Variants in FOXO3 observed in about 807,000 individuals in gnomAD.
The protein encoded by FOXO3 is forkhead box O3.
A neutral mutation model predicts 41.9 loss-of-function variants in FOXO3; 4 were observed. The ratio of observed to expected loss-of-function variants is 0.10; its 90% CI spans 0.05 to 0.22. The LOEUF is 0.22. Among genes scored for constraint, FOXO3 ranks in the 10% least tolerant of loss-of-function variants. The pLI, the probability that FOXO3 is intolerant of heterozygous loss-of-function variation, is 1.00. For missense variants in FOXO3, 534 were observed against 906.8 expected, an observed-to-expected ratio of 0.59 and a Z score of 5.28; for synonymous variants, 318 against 389.3, an observed-to-expected ratio of 0.82 and a Z score of 2.16.
At chr6:108,573,130 C>A (rs1045140359) in intron 1 of FOXO3, among the ~76,000 whole-genome samples, 2 of 151,864 alleles carry the variant, frequency 1.3e-5, no homozygotes, top group African/African-American at 4.8e-5. Context: ...ACTAAAAATA[C>A]AAAAAAATTA....
chr6:108,583,202 A>T (rs1008165161), intron 1 of FOXO3, among the ~76,000 whole-genome samples: 1 of 152,158 alleles, frequency 6.6e-6, no homozygotes, highest in African/African-American at 2.4e-5. Flanking sequence ...CAGACTCACT[A>T]CTTTATTTTC....
At chr6:108,650,004 A>G (rs1234896608) in intron 1 of FOXO3, among the ~76,000 whole-genome samples, 1 of 152,162 alleles carries the variant, frequency 6.6e-6, no homozygotes, top group African/African-American at 2.4e-5. Context: ...ACCTGATCGT[A>G]TTATGAGCCC....
intron 1 of FOXO3, among the ~76,000 whole-genome samples, chr6:108,568,474 C>T (rs1275138887): frequency 6.6e-6 from 1 of 152,166 alleles, no homozygotes; most frequent in Non-Finnish European, 1.5e-5. Context: ...CCTTACCCTG[C>T]CCACCCCATG....
chr6:108,574,992 G>C (rs1776222491), intron 1 of FOXO3, among the ~76,000 whole-genome samples: 1 of 152,204 alleles, frequency 6.6e-6, no homozygotes, highest in Non-Finnish European at 1.5e-5. Flanking sequence ...GGGGAGGACT[G>C]TGTGGCTGGA....
In FOXO3 at chr6:108,683,212, T is replaced by C. The variant is rs1770933186; in HGVS notation, c.*3420T>C. The stretch of plus-strand genomic sequence containing the variant: ...TTGTGTTTGTTTTTGGTGTTAATTT[T>C]TAGCATTGTGTGTGTTGCTTCCCCA... On this transcript the variant is annotated 3_prime_UTR_variant, in exon 3 of 3. Coordinates refer to ENST00000406360, the MANE Select transcript of FOXO3 (RefSeq NM_001455.4). The C allele has an allele frequency of 6.6e-6, 1 of 152,524 alleles. No individual in the cohort carries two copies. The highest frequency in any genetic ancestry group is 1.5e-5 in the Non-Finnish European group (1 of 68,040). 9.4% of individuals were successfully genotyped at this position (152,524 alleles called of 1,614,324 possible). A position where few individuals can be genotyped will look rare whatever the true frequency, so the allele number is the denominator to read the frequency against.
intron 1 of FOXO3, among the ~76,000 whole-genome samples, chr6:108,572,353 C>T (rs1776125390): frequency 6.6e-6 from 1 of 152,240 alleles, no homozygotes; most frequent in Non-Finnish European, 1.5e-5. Context: ...TAAGGCTAAT[C>T]CAAATCTCTC....
intron 1 of FOXO3, among the ~76,000 whole-genome samples, chr6:108,575,125 G>A (rs1301942063): frequency 1.3e-5 from 2 of 152,076 alleles, no homozygotes; most frequent in African/African-American, 4.8e-5. Flanking sequence ...CTTGAAAACT[G>A]GTTCTCTCTT....
intron 1 of FOXO3, among the ~76,000 whole-genome samples, chr6:108,634,074 T>C (rs1309015006): frequency 2.0e-5 from 3 of 152,208 alleles, no homozygotes; most frequent in Non-Finnish European, 4.4e-5. Flanking sequence ...GGGTCCAATA[T>C]GTGGTTTCAT....
intron 1 of FOXO3, among the ~76,000 whole-genome samples, chr6:108,640,262 C>G (rs1778221634): frequency 6.6e-6 from 1 of 152,126 alleles, no homozygotes; most frequent in Admixed American, 6.6e-5. Flanking sequence ...CACAGTAAGC[C>G]TTAGGGACAG....
chr6:108,653,566 G>A (rs1778605733), intron 1 of FOXO3, among the ~76,000 whole-genome samples: 1 of 152,114 alleles, frequency 6.6e-6, no homozygotes, highest in Non-Finnish European at 1.5e-5. Context: ...GTGAAGTTGG[G>A]GCTGCCTGTT....
intron 1 of FOXO3, among the ~76,000 whole-genome samples, chr6:108,575,800 T>C (rs532853450): frequency 1.3e-5 from 2 of 152,204 alleles, no homozygotes; most frequent in Non-Finnish European, 2.9e-5. Context: ...TGAATATACC[T>C]GTCATGCAGA....
At chr6:108,678,915 A>G (rs1268179360) in intron 2 of FOXO3, among the ~76,000 whole-genome samples, 6 of 120,032 alleles carry the variant, frequency 5.0e-5, no homozygotes, top group African/African-American at 1.8e-4. Context: ...GCTGTCGCTC[A>G]GGCTGGAGTG....
Position 108,683,130 on chromosome 6 carries a change from G to A in FOXO3, c.*3338G>A, listed in dbSNP as rs187896300. ...TGAAACACATTTTAAAAATTCAGAA[G>A]CTTGTCACTCCTGTTAATGGGAGGA... On this transcript the variant is annotated 3_prime_UTR_variant, in exon 3 of 3. Transcript: ENST00000406360. 6.5e-6 allele frequency: 1 copy of A among 152,738 alleles called. No homozygotes were observed. Among genetic ancestry groups the A allele is most frequent in the African/African-American group, 2.4e-5 (1 of 41,566 alleles). The allele number at this position is 152,738 out of a possible 1,614,324, so 9.5% of individuals were successfully genotyped here.
intron 1 of FOXO3, among the ~76,000 whole-genome samples, chr6:108,565,130 ATGTAGATGGAGGCTGAGTGAG>A (rs1775918675): frequency 6.6e-6 from 1 of 152,206 alleles, no homozygotes; most frequent in Non-Finnish European, 1.5e-5. Flanking sequence ...GGATGGGCAA[ATGTAGATGGAGGCTGAGTGAG>A]TGTATCATGT....
chr6:108,570,480 G>T (rs770301373), intron 1 of FOXO3, among the ~76,000 whole-genome samples: 2 of 151,890 alleles, frequency 1.3e-5, no homozygotes, highest in Non-Finnish European at 2.9e-5. Flanking sequence ...TGAGCGCCAC[G>T]ACACCCAGCT....
At chr6:108,616,118 G>T (rs1169171439) in intron 1 of FOXO3, among the ~76,000 whole-genome samples, 4 of 146,090 alleles carry the variant, frequency 2.7e-5, no homozygotes, top group Admixed American at 1.4e-4. Flanking sequence ...CTCTTGAGTA[G>T]CTGGGACTAC....
chr6:108,599,626 T>C (rs1776987379), intron 1 of FOXO3, among the ~76,000 whole-genome samples: 1 of 152,188 alleles, frequency 6.6e-6, no homozygotes, highest in African/African-American at 2.4e-5. Context: ...TGACTGCAAA[T>C]GATCTCATTT....
chr6:108,647,971 G>A (rs1219687398), intron 1 of FOXO3, among the ~76,000 whole-genome samples: 1 of 152,200 alleles, frequency 6.6e-6, no homozygotes, highest in African/African-American at 2.4e-5. Flanking sequence ...AATACTGTCA[G>A]AAGAAAGAAG....
intron 1 of FOXO3, among the ~76,000 whole-genome samples, chr6:108,567,861 A>G (rs112704843): frequency 0.036 from 5,479 of 152,246 alleles, 137 homozygotes; most frequent in Middle Eastern, 0.095. Context: ...AGCCTTACCA[A>G]CATGGTGAAA....
Sources: allele counts gnomAD v4.1 joint callset (sites outside exome capture counted in the v4.1 genomes callset), GRCh38; gene constraint gnomAD v4.1.1; transcripts MANE v1.5; gene names NCBI Gene and HGNC (gene_info 2026-07-23, HGNC 2026-07-21).